GRID2: variants seen among roughly 807,000 people sequenced by gnomAD.
GRID2 encodes the protein glutamate ionotropic receptor delta type subunit 2.
Under a neutral mutation model 114.8 loss-of-function variants are expected in GRID2, and 33 were observed. That is an observed-to-expected ratio of 0.29 (90% CI 0.22 to 0.38). GRID2 has a LOEUF of 0.38. GRID2 is among the 10% of genes least tolerant of loss of function. The pLI is 1.00. For synonymous variants in GRID2, 505 were observed against 449.9 expected, an observed-to-expected ratio of 1.12 and a Z score of -1.55; for missense variants, 1,184 against 1,257.7, an observed-to-expected ratio of 0.94 and a Z score of 0.89.
chr4:93,388,256 T>C (rs1257915670), intron 8 of GRID2, among the ~76,000 whole-genome samples: 2 of 152,152 alleles, frequency 1.3e-5, no homozygotes, highest in Non-Finnish European at 2.9e-5. Flanking sequence ...TGTCTTAAGA[T>C]TGTTCCAGTC....
At chr4:93,434,566 A>C (rs554971143) in intron 10 of GRID2, among the ~76,000 whole-genome samples, 2 of 152,294 alleles carry the variant, frequency 1.3e-5, no homozygotes, top group East Asian at 3.9e-4. Flanking sequence ...AAAACAAAAA[A>C]AAACAGCCTT....
chr4:93,702,853 A>C (rs1727631086), intron 14 of GRID2, among the ~76,000 whole-genome samples: 1 of 152,154 alleles, frequency 6.6e-6, no homozygotes, highest in African/African-American at 2.4e-5. Context: ...GGGAGACAGA[A>C]AATAAATATA....
chr4:93,054,251 T>C (rs1276815611), intron 2 of GRID2, among the ~76,000 whole-genome samples: 1 of 151,916 alleles, frequency 6.6e-6, no homozygotes, highest in African/African-American at 2.4e-5. Context: ...AACTGAATTA[T>C]AGCATTCGCA....
At chr4:92,968,480 T>TA (rs1221451749) in intron 2 of GRID2, among the ~76,000 whole-genome samples, 1 of 151,890 alleles carries the variant, frequency 6.6e-6, no homozygotes, top group Non-Finnish European at 1.5e-5. Context: ...CACCTCTTTT[T>TA]AAAATATAAA....
intron 2 of GRID2, among the ~76,000 whole-genome samples, chr4:92,722,429 T>G (rs974192997): frequency 6.6e-6 from 1 of 152,138 alleles, no homozygotes; most frequent in African/African-American, 2.4e-5. Flanking sequence ...GAATTTATCT[T>G]ACTCCTGAGA....
chr4:92,875,831 T>A lies in GRID2; in HGVS notation c.245-209164T>A, dbSNP rs527992910. On this transcript the variant is annotated intron_variant, in intron 2 of 15. Coordinates refer to ENST00000282020, the MANE Select transcript of GRID2 (RefSeq NM_001510.4). ...ACCTAGAATAAATAAAAATGACTTT[T>A]TTTTGTCAATAATCATTAAGCATTT... is the stretch of plus-strand genomic sequence containing the variant. 3.1e-3 allele frequency among the ~76,000 whole-genome samples: 474 copies of A among 152,314 alleles called. 2 individuals carry two copies. Among genetic ancestry groups the A allele is most frequent in the Non-Finnish European group, 5.4e-3 (368 of 68,030 alleles).
At chr4:92,816,613 A>G (rs919054447) in intron 2 of GRID2, among the ~76,000 whole-genome samples, 3 of 152,072 alleles carry the variant, frequency 2.0e-5, no homozygotes, top group Admixed American at 6.6e-5. Context: ...TATCTTAAGT[A>G]TTTTCTAAGA....
intron 2 of GRID2, among the ~76,000 whole-genome samples, chr4:93,044,446 C>T (rs1277448327): frequency 2.6e-5 from 4 of 151,196 alleles, no homozygotes; most frequent in Non-Finnish European, 5.9e-5. Context: ...TTCAGAACCA[C>T]GTTCAAATAT....
chr4:93,021,663 G>T (rs201855961), intron 2 of GRID2, among the ~76,000 whole-genome samples: 2 of 140,872 alleles, frequency 1.4e-5, no homozygotes, highest in African/African-American at 5.2e-5. Flanking sequence ...TTTATAATAT[G>T]TATACTATAA....
intron 2 of GRID2, among the ~76,000 whole-genome samples, chr4:93,036,370 C>T (rs1222543533): frequency 1.3e-5 from 2 of 152,074 alleles, no homozygotes; most frequent in Non-Finnish European, 2.9e-5. Flanking sequence ...TACTCCCCTG[C>T]CACCCATTTG....
At chr4:93,373,854 A>G (rs1481577168) in intron 8 of GRID2, among the ~76,000 whole-genome samples, 2 of 152,198 alleles carry the variant, frequency 1.3e-5, no homozygotes, top group Non-Finnish European at 2.9e-5. Context: ...AAAGGCTGCT[A>G]CAGTATGTAG....
intron 2 of GRID2, among the ~76,000 whole-genome samples, chr4:92,676,976 C>T (rs537649007): frequency 1.3e-5 from 2 of 152,042 alleles, no homozygotes; most frequent in South Asian, 4.1e-4. Context: ...TGCTAAAATA[C>T]GAATTAATCT....
chr4:92,717,769 A>G (rs1027198422), intron 2 of GRID2, among the ~76,000 whole-genome samples: 1 of 152,202 alleles, frequency 6.6e-6, no homozygotes, highest in Admixed American at 6.5e-5. Context: ...ATAACCACTA[A>G]TCAAGCAAAT....
chr4:93,716,701 T>C (rs1004778172), intron 14 of GRID2, among the ~76,000 whole-genome samples: 9 of 152,146 alleles, frequency 5.9e-5, no homozygotes, highest in Admixed American at 2.6e-4. Context: ...TTAAAATCAA[T>C]ACATACTTAA....
intron 2 of GRID2, among the ~76,000 whole-genome samples, chr4:92,711,929 T>C (rs1195441810): frequency 6.6e-6 from 1 of 151,878 alleles, no homozygotes; most frequent in African/African-American, 2.4e-5. Flanking sequence ...AAATAAAGAG[T>C]TCATGTGGTT....
At chr4:92,893,961 T>C (rs1273065819) in intron 2 of GRID2, among the ~76,000 whole-genome samples, 1 of 152,088 alleles carries the variant, frequency 6.6e-6, no homozygotes, top group Non-Finnish European at 1.5e-5. Context: ...GGCCAGTGAG[T>C]TTGATGTGGA....
chr4:92,602,702 A>G (rs781510009), intron 2 of GRID2, among the ~76,000 whole-genome samples: 13 of 152,312 alleles, frequency 8.5e-5, no homozygotes, highest in Non-Finnish European at 1.6e-4. Flanking sequence ...AGTTCTGGCC[A>G]GGGTAATCAG....
chr4:92,688,629 G>A (rs952691886), intron 2 of GRID2, among the ~76,000 whole-genome samples: 1 of 152,038 alleles, frequency 6.6e-6, no homozygotes, highest in South Asian at 2.1e-4. Context: ...CACATCTTTA[G>A]GGTTCACTTC....
intron 1 of GRID2, among the ~76,000 whole-genome samples, chr4:92,392,038 T>G (rs1055698127): frequency 6.6e-5 from 10 of 152,150 alleles, no homozygotes; most frequent in African/African-American, 2.4e-4. Flanking sequence ...CTCCAAAACT[T>G]TATTATGTTT....
Sources: gnomAD v4.1 joint callset for allele counts (sites outside exome capture counted in the v4.1 genomes callset) on GRCh38, gnomAD v4.1.1 for gene constraint, MANE v1.5 for transcripts, NCBI Gene and HGNC (gene_info 2026-07-23, HGNC 2026-07-21) for gene names.